ADGRG5: variants seen among roughly 807,000 people sequenced by gnomAD.
ADGRG5 encodes G protein-coupled receptor 114.
In ADGRG5, 37 loss-of-function variants were observed where a neutral mutation model predicts 53.2. The observed-to-expected ratio is 0.70, with a 90% CI of 0.53 to 0.91. The LOEUF (loss-of-function observed/expected upper bound fraction) is 0.91, where lower values mean the gene tolerates loss of function less well. Ranked by LOEUF, ADGRG5 falls within the 40% of genes least tolerant of loss-of-function variation. The pLI, the probability that ADGRG5 is intolerant of heterozygous loss-of-function variation, is 0.00. For synonymous variants in ADGRG5, 277 were observed against 290.4 expected (o/e 0.95, Z 0.47); for missense variants, 614 against 675.8 (o/e 0.91, Z 1.01).
intron 8 of ADGRG5, 109 bp downstream of exon 8, chr16:57,567,700 C>G: frequency 6.8e-7 from 1 of 1,461,972 alleles, no homozygotes; most frequent in Admixed American, 1.9e-5. Flanking sequence ...AGGGTGGGGA[C>G]CAGGAGGCGG....
At chr16:57,559,047 G>A (rs1201409651) in intron 1 of ADGRG5, among the ~76,000 whole-genome samples, 1 of 145,226 alleles carries the variant, frequency 6.9e-6, no homozygotes, top group Non-Finnish European at 1.5e-5. Context: ...ACAGAGTTTT[G>A]CCATGTTGCC....
In ADGRG5 at chr16:57,567,556, C is replaced by T; in HGVS notation, c.786C>T (p.Ala262=). 1.2e-6 allele frequency: 2 copies of T among 1,611,868 alleles called. No homozygotes were observed. Among genetic ancestry groups the T allele is most frequent in the Non-Finnish European group, 1.7e-6 (2 of 1,179,924 alleles). ...SLVGCSISIV[A]SLITVLLHFH... ...TGGGCTGCAGCATCTCCATCGTGGC[C>T]TCGCTGATCACAGTCCTGCTGCACT... Residue 262 remains alanine, a synonymous_variant, in exon 8 of 12, where the codon GCC becomes GCT. Transcript: ENST00000349457.
At position 57,575,367 on chromosome 16, in the gene ADGRG5, T is replaced by C. The variant is rs190183746; in HGVS notation, c.1487-71T>C. ...ATGGGCCCCAGGGAGGCCAGCTCGC[T>C]GCAGCCAAGGAGACCCTGGCCTTTG... On this transcript the variant is annotated intron_variant, in intron 11 of 11. Coordinates refer to ENST00000349457, the MANE Select transcript of ADGRG5 (RefSeq NM_001304376.3). 20 of 1,439,462 alleles carry C rather than the reference T, an allele frequency of 1.4e-5. No homozygotes were observed. The Admixed American group carries it at 3.2e-4, about 23-fold the overall frequency. The allele number at this position is 1,439,462 out of a possible 1,614,324, so 89.2% of individuals were successfully genotyped here.
At position 57,575,001 on chromosome 16, in the gene ADGRG5, G is replaced by C. The variant is rs753057839; in HGVS notation, c.1395G>C (p.Leu465=). 5 of 1,613,996 alleles carry C rather than the reference G, an allele frequency of 3.1e-6. No individual in the cohort carries two copies. The highest frequency in any genetic ancestry group is 4.2e-6 in the Non-Finnish European group (5 of 1,180,002). ...DTVTVLGLTV[L]LGTTWALAFF... is the part of the protein sequence containing the mutation. ...TCACTGTGCTGGGCCTCACCGTGCT[G>C]CTGGGAACCACCTGGGCCTTGGCCT... The change falls in exon 11 of 12, where the codon CTG becomes CTC. Residue 465 remains leucine, a synonymous_variant. Transcript: ENST00000349457.
At chr16:57,555,414 G>A (rs1158353894) in intron 1 of ADGRG5, among the ~76,000 whole-genome samples, 1 of 152,122 alleles carries the variant, frequency 6.6e-6, no homozygotes, top group African/African-American at 2.4e-5. Context: ...TCTCTCTCCT[G>A]CCACCCTTTG....
rs553939657 is a variant in ADGRG5, at chr16:57,569,145, C to T, written c.1090+1021C>T. ...TCACCACCATGATCACCTCCTCCAC[C>T]TCCATCACCACCTCCTCCACCTTCA... On this transcript the variant is annotated intron_variant, in intron 9 of 11. Coordinates refer to ENST00000349457, the MANE Select transcript of ADGRG5 (RefSeq NM_001304376.3). Among the ~76,000 whole-genome samples the T allele has an allele frequency of 6.3e-3, 958 of 151,224 alleles. 5 individuals are homozygous for T. Among genetic ancestry groups the T allele is most frequent in the African/African-American group, 0.023 (930 of 41,106 alleles).
At chr16:57,554,886 T>C (rs2032846967) in intron 1 of ADGRG5, among the ~76,000 whole-genome samples, 2 of 152,196 alleles carry the variant, frequency 1.3e-5, no homozygotes, top group Non-Finnish European at 2.9e-5. Context: ...TTCAGTTGAA[T>C]ATATTTTATA....
At chr16:57,530,166 T>A in the ADGRG5 span, among the ~76,000 whole-genome samples, 1 of 152,120 alleles carries the variant, frequency 6.6e-6, no homozygotes, top group African/African-American at 2.4e-5. Flanking sequence ...TCTCCCCTTC[T>A]CTGCCGGAAC....
intron 9 of ADGRG5, among the ~76,000 whole-genome samples, chr16:57,568,508 CCAT>C (rs1321687223): frequency 3.3e-5 from 5 of 151,070 alleles, no homozygotes; most frequent in Admixed American, 6.6e-5. Flanking sequence ...TTCATCACCA[CCAT>C]CGTCACCTCC....
At chr16:57,534,406 G>C in the ADGRG5 span, among the ~76,000 whole-genome samples, 2 of 152,216 alleles carry the variant, frequency 1.3e-5, no homozygotes, top group African/African-American at 4.8e-5. Context: ...CCTGCCCACA[G>C]AAAGTGACCC....
At chr16:57,551,916 A>G (rs1160187409) in intron 1 of ADGRG5, among the ~76,000 whole-genome samples, 2 of 152,230 alleles carry the variant, frequency 1.3e-5, no homozygotes, top group Non-Finnish European at 2.9e-5. Context: ...GGGCTGCAGA[A>G]TGGATGTTGT....
chr16:57,542,914 G>A (rs1455263570), intron 1 of ADGRG5: 1 of 152,232 alleles, frequency 6.6e-6, no homozygotes, highest in African/African-American at 2.4e-5. Context: ...TGGAAGGAGG[G>A]GCAATTTAAA....
chr16:57,552,757 G>C (rs1017417547), intron 1 of ADGRG5, among the ~76,000 whole-genome samples: 1 of 152,064 alleles, frequency 6.6e-6, no homozygotes, highest in Non-Finnish European at 1.5e-5. Context: ...TGAACTGTTC[G>C]GTGCAGGATG....
chr16:57,575,488 G>C lies in ADGRG5; in HGVS notation c.1537G>C (p.Glu513Gln). 6.2e-7 allele frequency: 1 copy of C among 1,614,218 alleles called. No homozygotes were observed. The highest frequency in any genetic ancestry group is 1.3e-5 in the African/African-American group (1 of 75,080). ...FCSQRCRSEA[E>Q]AKAQIEAFSS... The stretch of plus-strand genomic sequence containing the variant: ...CTCCCAGCGGTGCCGCTCAGAAGCA[G>C]AGGCCAAGGCACAGATAGAGGCCTT... Residue 513 changes from glutamate (E) to glutamine (Q), a missense_variant, in exon 12 of 12, where the codon GAG becomes CAG. Coordinates refer to ENST00000349457, the MANE Select transcript of ADGRG5 (RefSeq NM_001304376.3).
rs528258007 is a variant in ADGRG5, at chr16:57,557,969, C to T, written c.-38-4087C>T. ...TTTTGGCCATCTCTAAGATCTGGTT[C>T]TGTATGTCTTAAAATCTTTGACTAA... On this transcript the variant is annotated intron_variant, in intron 1 of 11. Transcript: ENST00000349457. Among the ~76,000 whole-genome samples, 5 of 152,290 alleles carry T rather than the reference C, an allele frequency of 3.3e-5. No individual in the cohort carries two copies. In the South Asian group the frequency reaches 8.3e-4, roughly 25 times the overall value.
intron 1 of ADGRG5, among the ~76,000 whole-genome samples, chr16:57,546,293 G>A (rs1175756326): frequency 6.6e-6 from 1 of 152,042 alleles, no homozygotes; most frequent in African/African-American, 2.4e-5. Flanking sequence ...CTCAGCTAAT[G>A]TTTCTGATTT....
intron 10 of ADGRG5, among the ~76,000 whole-genome samples, chr16:57,573,905 A>G (rs1251917024): frequency 6.6e-6 from 1 of 152,080 alleles, no homozygotes; most frequent in Non-Finnish European, 1.5e-5. Flanking sequence ...TATTTTTAGT[A>G]CAGACGGGGT....
chr16:57,538,983 A>G (rs1470627537), upstream of ADGRG5, among the ~76,000 whole-genome samples: 1 of 152,260 alleles, frequency 6.6e-6, no homozygotes, highest in Non-Finnish European at 1.5e-5. Flanking sequence ...AAGTCTAGCT[A>G]GAAACGTTCT....
chr16:57,563,249 T>C lies in ADGRG5; in HGVS notation c.297+2T>C. 1 of 1,613,470 alleles carries C rather than the reference T, an allele frequency of 6.2e-7. No individual in the cohort carries two copies. Among genetic ancestry groups the C allele is most frequent in the Non-Finnish European group, 8.5e-7 (1 of 1,179,914 alleles). On this transcript the variant is annotated splice_donor_variant, in intron 4 of 11. Transcript: ENST00000349457. LOFTEE classifies it high-confidence loss of function. Reference sequence around the variant, plus strand: ...GCCACTCTGAAGCGGGTGCCCCAGGTCAGAGGCTGCGGGTTGGGGGGTGTG... The same window carrying C: ...GCCACTCTGAAGCGGGTGCCCCAGGCCAGAGGCTGCGGGTTGGGGGGTGTG...
Sources: allele counts gnomAD v4.1 joint callset (sites outside exome capture counted in the v4.1 genomes callset), GRCh38; gene constraint gnomAD v4.1.1; transcripts MANE v1.5; gene names NCBI Gene and HGNC (gene_info 2026-07-23, HGNC 2026-07-21).